Variants in PPL observed in about 807,000 individuals in gnomAD.
PPL encodes the protein 190 kDa paraneoplastic pemphigus antigen.
In PPL, 198 loss-of-function variants were observed where a neutral mutation model predicts 194.4. That is an observed-to-expected ratio of 1.02 (90% CI 0.91 to 1.15). The LOEUF (loss-of-function observed/expected upper bound fraction) is 1.15. Ranked by LOEUF, PPL falls within the 50% of genes most tolerant of loss-of-function variation. The pLI, the probability that PPL is intolerant of heterozygous loss-of-function variation, is 0.00. For synonymous variants in PPL, 1,220 were observed against 972.4 expected (o/e 1.25, Z -4.74); for missense variants, 2,885 against 2,294.8 (o/e 1.26, Z -5.25).
chr16:4,887,628 A>G (rs1179478858), intron 20 of PPL, among the ~76,000 whole-genome samples: 1 of 152,184 alleles, frequency 6.6e-6, no homozygotes, highest in Admixed American at 6.5e-5. Context: ...TTTCTTAAAG[A>G]CAGAATCTCT....
intron 1 of PPL, among the ~76,000 whole-genome samples, chr16:4,912,491 G>T (rs2088838065): frequency 6.6e-6 from 1 of 152,248 alleles, no homozygotes; most frequent in Non-Finnish European, 1.5e-5. Flanking sequence ...GGGCCATCGT[G>T]AGAATCACGC....
At chr16:4,893,153 G>C in intron 14 of PPL, 60 bp downstream of exon 14, 1 of 1,443,752 alleles carries the variant, frequency 6.9e-7, no homozygotes, top group Non-Finnish European at 9.1e-7. Context: ...TCAAATAGGG[G>C]CCCCAGGGGG....
chr16:4,889,946 C>T (rs902715798), intron 18 of PPL, among the ~76,000 whole-genome samples: 2 of 152,332 alleles, frequency 1.3e-5, no homozygotes, highest in Non-Finnish European at 1.5e-5. Context: ...GCCAAGTGTC[C>T]ATTCTGCACC....
intron 1 of PPL, 73 bp from the exon 2 acceptor site, chr16:4,911,022 T>G: frequency 7.9e-7 from 1 of 1,269,024 alleles, no homozygotes; most frequent in Non-Finnish European, 1.1e-6. Flanking sequence ...CAGCACCCCA[T>G]CCTCTGGCTG....
chr16:4,926,082 C>T (rs1365817212), intron 1 of PPL, among the ~76,000 whole-genome samples: 2 of 152,206 alleles, frequency 1.3e-5, no homozygotes, highest in African/African-American at 4.8e-5. Flanking sequence ...TGAGTGAGCA[C>T]CTTCCTGGCC....
rs895821814 is a variant in PPL at position 4,902,065 on chromosome 16, G to A, written c.438+341C>T. ...GTGGTGAGCACCCAGGAAAGGGAGC[G>A]ACAGGCCAGAAGCCTGGCCGCTTCC... On this transcript the variant is annotated intron_variant, in intron 4 of 21. Transcript: ENST00000345988. The surrounding 1 kb of genome is among the most constrained non-coding windows in gnomAD (Gnocchi z 4.0). Among the ~76,000 whole-genome samples, 1 of 152,232 alleles carries A rather than the reference G, an allele frequency of 6.6e-6. No individual in the cohort carries two copies. The highest frequency in any genetic ancestry group is 6.5e-5 in the Admixed American group (1 of 15,282).
In PPL at chr16:4,892,211, G is replaced by A. The variant is rs146028294; in HGVS notation, c.1653C>T (p.Asn551=). 1.2e-6 allele frequency: 2 copies of A among 1,608,628 alleles called. No homozygotes were observed. The highest frequency in any genetic ancestry group is 2.7e-5 in the African/African-American group (2 of 74,854). The part of the protein sequence containing the change: ...DSAERAKDLK[N]ITNELLRIEP... The stretch of plus-strand genomic sequence containing the variant: ...CAATCCGCAGTAGCTCGTTGGTGAT[G>A]TTCTGTGGGAACCAGGGCCCCTCAG... Residue 551 remains asparagine, a splice_region_variant and synonymous_variant, in exon 15 of 22, where the codon AAC becomes AAT. Transcript: ENST00000345988.
At chr16:4,906,137 C>G (rs2088677180) in intron 2 of PPL, among the ~76,000 whole-genome samples, 1 of 152,130 alleles carries the variant, frequency 6.6e-6, no homozygotes, top group Non-Finnish European at 1.5e-5. Flanking sequence ...GCCAATGGAA[C>G]CAGGCATCCC....
In PPL at chr16:4,883,264, G is replaced by T; in HGVS notation, c.*120C>A. ...GCGGGACTCTGAGCAGCCTGGCAGC[G>T]AGGGTATGTATAAAATGCTTGGCCT... On this transcript the variant is annotated 3_prime_UTR_variant, in exon 22 of 22. Coordinates refer to ENST00000345988, the MANE Select transcript of PPL (RefSeq NM_002705.5). The surrounding 1 kb of genome is among the most constrained non-coding windows in gnomAD (Gnocchi z 4.8). 1.4e-6 allele frequency: 2 copies of T among 1,381,706 alleles called. No individual in the cohort carries two copies. Among genetic ancestry groups the T allele is most frequent in the Non-Finnish European group, 2.0e-6 (2 of 1,005,904 alleles). 85.6% of individuals were successfully genotyped at this position (1,381,706 alleles called of 1,614,324 possible).
At chr16:4,891,248 C>T (rs937973188) in intron 16 of PPL, among the ~76,000 whole-genome samples, 3 of 152,112 alleles carry the variant, frequency 2.0e-5, no homozygotes, top group African/African-American at 7.2e-5. Context: ...TAAGGGGCCT[C>T]AGGTCACAGA....
intron 11 of PPL, 105 bp from the exon 12 acceptor site, chr16:4,894,723 C>T (rs966116996): frequency 3.7e-6 from 5 of 1,349,376 alleles, no homozygotes; most frequent in African/African-American, 2.9e-5. Flanking sequence ...AGCCCCGGCT[C>T]ATCACTTGGA....
At chr16:4,889,956 C>T (rs1416001084) in intron 18 of PPL, among the ~76,000 whole-genome samples, 1 of 152,236 alleles carries the variant, frequency 6.6e-6, no homozygotes, top group Non-Finnish European at 1.5e-5. Context: ...CATTCTGCAC[C>T]AGGCCCTGTG....
In PPL at chr16:4,900,996, T is replaced by A. The variant is rs1452205738; in HGVS notation, c.532A>T (p.Ile178Phe). The A allele has an allele frequency of 1.2e-6, 2 of 1,614,058 alleles. No individual in the cohort carries two copies. Among genetic ancestry groups the A allele is most frequent in the Admixed American group, 3.3e-5 (2 of 60,012 alleles). ...HNIFHNEVKA[I>F]GPHLAKDGDK... ...CCGTCCTTGGCCAGGTGGGGCCCGATGGCCTTGACCTCATTGTGGAAGATG... is the reference window on the plus strand; with the variant it reads ...CCGTCCTTGGCCAGGTGGGGCCCGAAGGCCTTGACCTCATTGTGGAAGATG... The change falls in exon 5 of 22, where the codon ATC becomes TTC. Residue 178 changes from isoleucine to phenylalanine, a missense_variant. Ile to Phe is a conservative substitution (Grantham distance 21, BLOSUM62 0). Transcript: ENST00000345988.
rs191148871 is a variant in PPL at position 4,883,590 on chromosome 16, T to A, written c.5065A>T (p.Arg1689Ter). 1 of 1,614,172 alleles carries A rather than the reference T, an allele frequency of 6.2e-7. No homozygotes were observed. Among genetic ancestry groups the A allele is most frequent in the Admixed American group, 1.7e-5 (1 of 60,018 alleles). ...TCCTCCCAGTCGCACTCCTGGCTTC[T>A]GAGTTTCACGAACATGTTCCAGTCA... ...LIDWNMFVKL[R>*]SQECDWEEIS... is the part of the protein sequence containing the mutation. Residue 1689 changes from arginine to a stop codon, truncating the protein, a stop_gained, in exon 22 of 22, where the codon AGA becomes TGA. Transcript: ENST00000345988. LOFTEE classifies it high-confidence loss of function. The surrounding 1 kb of genome is among the most constrained non-coding windows in gnomAD (Gnocchi z 4.8).
chr16:4,884,718 C>T lies in PPL; in HGVS notation c.3937G>A (p.Ala1313Thr), dbSNP rs761493642. ...QTKEEVASLR[A>T]KLSEEQKKQV... ...TTCTTCTGCTCCTCTGAGAGCTTTG[C>T]CCTCAGAGACGCCACCTCCTCCTTG... The change falls in exon 22 of 22, where the codon GCA (alanine) becomes ACA (threonine). Residue 1313 changes from alanine (A) to threonine (T), a missense_variant. By Grantham distance (58) the Ala-to-Thr change is moderately conservative. Coordinates refer to ENST00000345988, the MANE Select transcript of PPL (RefSeq NM_002705.5). This position sits in a 1 kb window ranked among gnomAD's most constrained non-coding sequence, Gnocchi z 5.7. 11 of 1,614,044 alleles carry T rather than the reference C, an allele frequency of 6.8e-6. No individual in the cohort carries two copies. Among genetic ancestry groups the T allele is most frequent in the East Asian group, 2.2e-5 (1 of 44,878 alleles).
chr16:4,885,995 G>C lies in PPL; in HGVS notation c.2660C>G (p.Ser887Cys), dbSNP rs1428948090. The change falls in exon 22 of 22, where the codon TCT (serine) becomes TGT (cysteine). Residue 887 changes from serine to cysteine, a missense_variant. Ser to Cys is a moderately radical substitution (Grantham distance 112). Transcript: ENST00000345988. The surrounding 1 kb of genome is among the most constrained non-coding windows in gnomAD (Gnocchi z 6.3). Reference protein sequence around the residue: ...HETLQRNRPDSGVEEAWKIRK... With the variant: ...HETLQRNRPDCGVEEAWKIRK... ...GATCTTCCACGCCTCCTCCACTCCA[G>C]AGTCCGGCCTATTCCTTTGCAGGGT... is the stretch of plus-strand genomic sequence containing the variant. 3 of 1,613,920 alleles carry C rather than the reference G, an allele frequency of 1.9e-6. No homozygotes were observed. The highest frequency in any genetic ancestry group is 3.3e-5 in the Admixed American group (2 of 60,026).
intron 1 of PPL, among the ~76,000 whole-genome samples, chr16:4,922,142 C>T (rs983523855): frequency 1.3e-5 from 2 of 152,132 alleles, no homozygotes; most frequent in African/African-American, 2.4e-5. Flanking sequence ...CCAGACAGCC[C>T]GGGGTCAAAT....
rs144459534 is a variant in PPL, at chr16:4,895,285, T to A, written c.1218A>T (p.Ala406=). 106 of 1,609,772 alleles carry A rather than the reference T, an allele frequency of 6.6e-5. No individual in the cohort carries two copies. In the African/African-American group the frequency reaches 1.1e-3, roughly 17 times the overall value. Residue 406 remains alanine, a synonymous_variant, in exon 11 of 22, where the codon GCA becomes GCT. Transcript: ENST00000345988. Reference sequence around the variant, plus strand: ...CCTGCTCCCCCTCAAAGTCACAGAGTGCCTCCACGGGGATGGGCTTGAGCG... The same window carrying A: ...CCTGCTCCCCCTCAAAGTCACAGAGAGCCTCCACGGGGATGGGCTTGAGCG... ...ETPLKPIPVE[A]LCDFEGEQGL...
In PPL at chr16:4,902,956, T is replaced by G. The variant is rs925523001; in HGVS notation, c.318-430A>C. On this transcript the variant is annotated intron_variant, in intron 3 of 21. Transcript: ENST00000345988. The surrounding 1 kb of genome is among the most constrained non-coding windows in gnomAD (Gnocchi z 4.0). ...CGTCCGCTTCGGCCTCCCGAAGTGC[T>G]GGGATCACAGGCGTGAGCCACCGTG... 2.0e-5 allele frequency among the ~76,000 whole-genome samples: 3 copies of G among 152,244 alleles called. No individual in the cohort carries two copies. Among genetic ancestry groups the G allele is most frequent in the Non-Finnish European group, 4.4e-5 (3 of 68,048 alleles).
Sources: gnomAD v4.1 joint callset for allele counts (sites outside exome capture counted in the v4.1 genomes callset) on GRCh38, gnomAD v4.1.1 for gene constraint, Gnocchi (gnomAD v3.1) non-coding constraint, MANE v1.5 for transcripts, NCBI Gene and HGNC (gene_info 2026-07-23, HGNC 2026-07-21) for gene names.